TEX36: variants seen among roughly 807,000 people sequenced by gnomAD.
TEX36 encodes the protein testis expressed 36, also known as testis-expressed protein 36.
A neutral mutation model predicts 13.6 loss-of-function variants in TEX36; 12 were observed. That is an observed-to-expected ratio of 0.88 (90% CI 0.56 to 1.43). The LOEUF is 1.43. Ranked by LOEUF, TEX36 falls within the 40% of genes most tolerant of loss-of-function variation. TEX36 has a pLI of 0.00. For synonymous variants in TEX36, 93 were observed against 83.0 expected, an observed-to-expected ratio of 1.12 and a Z score of -0.65; for missense variants, 224 against 228.3, an observed-to-expected ratio of 0.98 and a Z score of 0.12.
chr10:125,596,268 A>G (rs910798051), intron 3 of TEX36, among the ~76,000 whole-genome samples: 6 of 152,228 alleles, frequency 3.9e-5, no homozygotes, highest in African/African-American at 1.4e-4. Context: ...AGATGGGCCC[A>G]TAAAATCACA....
At chr10:125,661,138 A>T (rs761258376) in intron 2 of TEX36, 37 bp from the exon 3 acceptor site, 1 of 1,489,972 alleles carries the variant, frequency 6.7e-7, no homozygotes, top group South Asian at 1.2e-5. Context: ...AGCACACATT[A>T]GAACCCTGCA....
rs573683075 is a variant in TEX36, at chr10:125,611,686, G to GTT, written c.265-34814_265-34813dup. On this transcript the variant is annotated intron_variant, in intron 3 of 3. Coordinates refer to the TEX36 transcript ENST00000532135. Reference sequence around the variant, plus strand: ...TTTGCCTTTTACTTTTGCATATGGTGTTTTTTTTTCAATGAGCAGAAGCTT... The same window carrying GTT: ...TTTGCCTTTTACTTTTGCATATGGTGTTTTTTTTTTTCAATGAGCAGAAGCTT... 2.2e-3 allele frequency among the ~76,000 whole-genome samples: 326 copies of GTT among 149,380 alleles called. 3 individuals carry two copies. Among genetic ancestry groups the GTT allele is most frequent in the African/African-American group, 7.4e-3 (303 of 40,678 alleles).
chr10:125,633,400 T>C (rs1846584443), intron 3 of TEX36, among the ~76,000 whole-genome samples: 1 of 152,264 alleles, frequency 6.6e-6, no homozygotes, highest in South Asian at 2.1e-4. Flanking sequence ...CCTCCTGTAA[T>C]GCTCTCAGTT....
chr10:125,648,982 G>A lies in TEX36; in HGVS notation c.264+12039C>T, dbSNP rs946965131. Among the ~76,000 whole-genome samples the A allele has an allele frequency of 2.0e-5, 3 of 152,266 alleles. No individual in the cohort carries two copies. The East Asian group carries it at 5.8e-4, about 29-fold the overall frequency. Reference sequence around the variant, plus strand: ...AAAAAGAGTAAAAAGAAATAACAAAGCCTCCAAGAAATATGGGACTATGTG... The same window carrying A: ...AAAAAGAGTAAAAAGAAATAACAAAACCTCCAAGAAATATGGGACTATGTG... On this transcript the variant is annotated intron_variant, in intron 3 of 3. Transcript: ENST00000526819.
chr10:125,591,844 G>A (rs1311811292), intron 3 of TEX36, among the ~76,000 whole-genome samples: 1 of 152,034 alleles, frequency 6.6e-6, no homozygotes, highest in Non-Finnish European at 1.5e-5. Flanking sequence ...TTCCCTGCTT[G>A]TATGAGAATC....
At chr10:125,592,176 G>A (rs985425116) in intron 3 of TEX36, among the ~76,000 whole-genome samples, 5 of 152,130 alleles carry the variant, frequency 3.3e-5, no homozygotes, top group Non-Finnish European at 7.3e-5. Context: ...TTGGAAGAGC[G>A]TATCTTGTGC....
At chr10:125,677,857 T>C (rs577508126) in intron 1 of TEX36, among the ~76,000 whole-genome samples, 1 of 152,146 alleles carries the variant, frequency 6.6e-6, no homozygotes, top group South Asian at 2.1e-4. Flanking sequence ...AATTTTTGTA[T>C]TGTTAGTAGA....
intron 1 of TEX36, among the ~76,000 whole-genome samples, chr10:125,677,498 A>G (rs1465851311): frequency 6.6e-6 from 1 of 152,140 alleles, no homozygotes; most frequent in Non-Finnish European, 1.5e-5. Context: ...TGAAATTTTC[A>G]AATGTATTTT....
At chr10:125,645,623 T>A (rs1235374240) in intron 3 of TEX36, among the ~76,000 whole-genome samples, 1 of 152,208 alleles carries the variant, frequency 6.6e-6, no homozygotes, top group Non-Finnish European at 1.5e-5. Context: ...ACATTATTAT[T>A]CCAGATATCC....
chr10:125,673,873 G>A (rs188918466), intron 1 of TEX36, among the ~76,000 whole-genome samples: 60 of 151,820 alleles, frequency 4.0e-4, no homozygotes, highest in Admixed American at 7.2e-4. Flanking sequence ...TCATTTCCAC[G>A]TTGGAGAATC....
chr10:125,617,007 T>A (rs1305897737), downstream of TEX36, among the ~76,000 whole-genome samples: 6 of 152,374 alleles, frequency 3.9e-5, no homozygotes, highest in Admixed American at 1.3e-4. Flanking sequence ...AGTTAGCTCT[T>A]CTTGTTGAAT....
chr10:125,665,107 T>C (rs1847103037), intron 1 of TEX36, among the ~76,000 whole-genome samples: 1 of 152,170 alleles, frequency 6.6e-6, no homozygotes, highest in Admixed American at 6.5e-5. Context: ...TGTTTTACAG[T>C]TGAGTTGTTT....
chr10:125,626,268 G>C (rs113827479), intron 3 of TEX36, among the ~76,000 whole-genome samples: 321 of 152,222 alleles, frequency 2.1e-3, no homozygotes, highest in Middle Eastern at 0.017. Flanking sequence ...GCTTGCTGGG[G>C]ACCCAACCTG....
intron 3 of TEX36, among the ~76,000 whole-genome samples, chr10:125,636,307 G>A (rs1378023596): frequency 4.7e-5 from 7 of 149,646 alleles, no homozygotes; most frequent in African/African-American, 9.9e-5. Flanking sequence ...CCGGGTTCAC[G>A]CCATTCTCCT....
chr10:125,664,981 C>T (rs1847100806), intron 1 of TEX36, among the ~76,000 whole-genome samples: 1 of 152,132 alleles, frequency 6.6e-6, no homozygotes, highest in Non-Finnish European at 1.5e-5. Flanking sequence ...TGTTGAGCAC[C>T]TTTCCATATA....
downstream of TEX36, chr10:125,655,682 A>G (rs1408910755): frequency 6.5e-6 from 8 of 1,237,582 alleles, no homozygotes; most frequent in Non-Finnish European, 8.1e-6. Flanking sequence ...ACTTTTTAAA[A>G]CTCCCCAAAA....
At chr10:125,670,568 G>T (rs1847207599) in intron 1 of TEX36, among the ~76,000 whole-genome samples, 1 of 152,042 alleles carries the variant, frequency 6.6e-6, no homozygotes, top group Admixed American at 6.6e-5. Flanking sequence ...AGTTTATTTT[G>T]CTGTGCAGAA....
At chr10:125,660,424 C>T (rs981278527) in intron 3 of TEX36, among the ~76,000 whole-genome samples, 3 of 152,114 alleles carry the variant, frequency 2.0e-5, no homozygotes, top group South Asian at 2.1e-4. Flanking sequence ...TGCTCCCAGC[C>T]AATAGAATAT....
intron 3 of TEX36, among the ~76,000 whole-genome samples, chr10:125,601,409 C>T (rs1846144567): frequency 1.3e-5 from 2 of 152,224 alleles, no homozygotes; most frequent in Non-Finnish European, 2.9e-5. Context: ...CCATATAGCC[C>T]CAAAGGTGGT....
Sources: allele counts gnomAD v4.1 joint callset (sites outside exome capture counted in the v4.1 genomes callset), GRCh38; gene constraint gnomAD v4.1.1; transcripts MANE v1.5; gene names NCBI Gene and HGNC (gene_info 2026-07-23, HGNC 2026-07-21).